Variants in DRC4 observed in about 807,000 individuals in gnomAD.
DRC4 encodes GAS-11.
At chr16:90,043,514 G>A in the DRC4 span, 2 of 684,140 alleles carry the variant, frequency 2.9e-6, no homozygotes, top group Non-Finnish European at 4.8e-6. Flanking sequence ...AGAACCACCT[G>A]CAGGACCCTC....
the DRC4 span, among the ~76,000 whole-genome samples, chr16:90,034,099 G>A: frequency 0.13 from 19,430 of 151,968 alleles, 2,003 homozygotes; most frequent in East Asian, 0.61. Context: ...GGAGAGATGT[G>A]TCTCACTAAG....
chr16:90,020,460 A>AG, the DRC4 span, among the ~76,000 whole-genome samples: 2 of 152,198 alleles, frequency 1.3e-5, no homozygotes, highest in African/African-American at 4.8e-5. Flanking sequence ...CATCAGACAG[A>AG]GGGCAGTCGG....
chr16:90,038,930 T>G, the DRC4 span, among the ~76,000 whole-genome samples: 1 of 152,202 alleles, frequency 6.6e-6, no homozygotes, highest in African/African-American at 2.4e-5. Flanking sequence ...TGAGCCGCAG[T>G]TATATGTGCT....
At chr16:90,021,383 C>T in the DRC4 span, among the ~76,000 whole-genome samples, 15 of 152,216 alleles carry the variant, frequency 9.9e-5, no homozygotes, top group African/African-American at 3.6e-4. Context: ...CATCCCCAGA[C>T]ACATGGGAGA....
the DRC4 span, chr16:90,040,170 T>A: frequency 1.2e-6 from 1 of 842,556 alleles, no homozygotes; most frequent in East Asian, 2.7e-5. Context: ...CTGACCCCGG[T>A]GCTGTGGGAG....
the DRC4 span, chr16:90,020,979 CA>C: frequency 1.3e-5 from 2 of 152,260 alleles, no homozygotes; most frequent in East Asian, 1.9e-4. Context: ...CACCCTGTCC[CA>C]GGGGGAGGAG....
At chr16:90,043,341 CGTAG>C in the DRC4 span, 1 of 1,585,022 alleles carries the variant, frequency 6.3e-7, no homozygotes, top group Non-Finnish European at 8.5e-7. Flanking sequence ...GGCACCCCGA[CGTAG>C]CTGCCCCCCT....
the DRC4 span, chr16:90,037,749 G>C: frequency 6.2e-7 from 1 of 1,612,764 alleles, no homozygotes; most frequent in Non-Finnish European, 8.5e-7. Context: ...CCTACTCCCT[G>C]TTTTTCCTCC....
the DRC4 span, chr16:90,019,638 C>G: frequency 2.4e-6 from 1 of 424,352 alleles, no homozygotes; most frequent in Non-Finnish European, 4.1e-6. This position sits in a 1 kb window ranked among gnomAD's most constrained non-coding sequence, Gnocchi z 6.1. Context: ...CGACCCTTCC[C>G]TCGCGGGCCG....
At chr16:90,042,983 T>C in the DRC4 span, 6 of 560,850 alleles carry the variant, frequency 1.1e-5, no homozygotes, top group African/African-American at 7.5e-5. Flanking sequence ...ATTTGTGGAA[T>C]AGGAATAGTG....
the DRC4 span, chr16:90,043,977 T>C: frequency 2.4e-6 from 1 of 415,600 alleles, no homozygotes; most frequent in East Asian, 7.3e-5. Context: ...TTGCTGGTGA[T>C]GGTTAAAACA....
At chr16:90,030,111 AT>A in the DRC4 span, among the ~76,000 whole-genome samples, 13 of 150,570 alleles carry the variant, frequency 8.6e-5, no homozygotes, top group African/African-American at 3.2e-4. Context: ...CCTGTCCTAC[AT>A]TTTTTTTTAA....
At chr16:90,036,983 C>G in the DRC4 span, 1 of 567,472 alleles carries the variant, frequency 1.8e-6, no homozygotes, top group African/African-American at 1.9e-5. Context: ...CAGTAGACAA[C>G]GGCCCTTGGT....
At chr16:90,042,781 T>C in the DRC4 span, 2 of 539,648 alleles carry the variant, frequency 3.7e-6, no homozygotes, top group Non-Finnish European at 6.7e-6. Flanking sequence ...ACCTGGACGC[T>C]TCCCTGGTCA....
At chr16:90,031,256 G>T in the DRC4 span, 1 of 1,608,348 alleles carries the variant, frequency 6.2e-7, no homozygotes. Context: ...GCCGTGCATG[G>T]GCCCCTGCTC....
the DRC4 span, chr16:90,022,790 C>A: frequency 6.3e-6 from 8 of 1,274,792 alleles, no homozygotes; most frequent in South Asian, 2.0e-5. Flanking sequence ...GGCAGGGAGG[C>A]CTCGGTACAC....
At chr16:90,037,992 C>A in the DRC4 span, 2 of 719,546 alleles carry the variant, frequency 2.8e-6, no homozygotes, top group East Asian at 2.7e-5. Context: ...CTCCTTGTGG[C>A]CCCTGGACCA....
chr16:90,031,411 G>A, the DRC4 span: 3 of 1,613,520 alleles, frequency 1.9e-6, no homozygotes, highest in Non-Finnish European at 2.5e-6. Flanking sequence ...ATCACACGGA[G>A]GCAGCTGGAG....
At chr16:90,032,830 A>C in the DRC4 span, 1 of 1,613,982 alleles carries the variant, frequency 6.2e-7, no homozygotes, top group Non-Finnish European at 8.5e-7. Flanking sequence ...CACCGCATAC[A>C]GGAGAGTGTG....
Sources: allele counts gnomAD v4.1 joint callset (sites outside exome capture counted in the v4.1 genomes callset), GRCh38; gene constraint gnomAD v4.1.1; non-coding constraint Gnocchi (gnomAD v3.1); transcripts MANE v1.5; gene names NCBI Gene and HGNC (gene_info 2026-07-23, HGNC 2026-07-21).